The following DOCK2 variants were observed in gnomAD, a reference collection of about 807,000 sequenced individuals.
DOCK2 encodes dedicator of cytokinesis 2.
Under a neutral mutation model 248.9 loss-of-function variants are expected in DOCK2, and 87 were observed. The ratio of observed to expected loss-of-function variants is 0.35; its 90% CI spans 0.29 to 0.42. The LOEUF is 0.42. DOCK2 is among the 10% of genes least tolerant of loss of function. DOCK2 has a pLI of 1.00. For missense variants in DOCK2, 1,747 were observed against 2,300.2 expected (o/e 0.76, Z 4.92); for synonymous variants, 805 against 821.6 (o/e 0.98, Z 0.35).
chr5:169,881,138 G>A (rs993186824), intron 27 of DOCK2, among the ~76,000 whole-genome samples: 8 of 152,182 alleles, frequency 5.3e-5, no homozygotes, highest in African/African-American at 1.9e-4. Flanking sequence ...CATGATGCCT[G>A]CACTTAGTGT....
Position 170,043,379 on chromosome 5 carries a change from A to G in DOCK2, c.3876+1247A>G, listed in dbSNP as rs544390517. ...GCATAGTAATAGCTGGTGAAATGTC[A>G]GTAACCGTCATCATTATCCTACTCC... On this transcript the variant is annotated intron_variant, in intron 38 of 51. Transcript: ENST00000520908. Among the ~76,000 whole-genome samples, 13 of 152,352 alleles carry G rather than the reference A, an allele frequency of 8.5e-5. 2 individuals are homozygous for G. The South Asian group carries it at 2.7e-3, about 32-fold the overall frequency.
intron 46 of DOCK2, among the ~76,000 whole-genome samples, chr5:170,073,948 C>T (rs948740439): frequency 2.0e-5 from 3 of 152,074 alleles, no homozygotes; most frequent in African/African-American, 4.8e-5. Context: ...CGTGTCCACT[C>T]TCACCTTTAT....
At chr5:169,889,824 A>T (rs1002274981) in intron 27 of DOCK2, among the ~76,000 whole-genome samples, 1 of 152,218 alleles carries the variant, frequency 6.6e-6, no homozygotes. Flanking sequence ...TGGGAGCCAT[A>T]GTTTGACAAC....
At chr5:169,761,731 T>A in intron 25 of DOCK2, 106 bp downstream of exon 25, 1 of 797,280 alleles carries the variant, frequency 1.3e-6, no homozygotes, top group East Asian at 2.6e-5. Context: ...GACTATAACA[T>A]CTCTTTTCTC....
rs557338641 is a variant in DOCK2 at position 169,715,018 on chromosome 5, C to T, written c.1941+561C>T. Among the ~76,000 whole-genome samples, 51 of 152,182 alleles carry T rather than the reference C, an allele frequency of 3.4e-4. 1 individual carries two copies. The South Asian group carries it at 7.3e-3, about 22-fold the overall frequency. ...TAGTATGATCTGTTAGTACTACCCA[C>T]AGATCATTGTTAGAAATAAAAAGTA... On this transcript the variant is annotated intron_variant, in intron 19 of 51. Coordinates refer to ENST00000520908, the MANE Select transcript of DOCK2 (RefSeq NM_004946.3).
intron 27 of DOCK2, among the ~76,000 whole-genome samples, chr5:169,978,818 C>A (rs375161184): frequency 3.9e-5 from 6 of 152,160 alleles, no homozygotes; most frequent in Admixed American, 6.5e-5. Flanking sequence ...CAAGTGCCTG[C>A]GATGATTGCA....
chr5:169,691,821 A>G (rs992304080), intron 9 of DOCK2, among the ~76,000 whole-genome samples: 6 of 150,418 alleles, frequency 4.0e-5, no homozygotes, highest in African/African-American at 9.8e-5. Flanking sequence ...GACTTTCCCT[A>G]TGTTTTGTTT....
intron 11 of DOCK2, 42 bp downstream of exon 11, chr5:169,698,491 C>G (rs746374880): frequency 6.2e-7 from 1 of 1,604,282 alleles, no homozygotes; most frequent in African/African-American, 1.3e-5. Context: ...TCAACCACAC[C>G]CTTTGTCATC....
chr5:170,061,209 C>T (rs888634740), intron 44 of DOCK2, among the ~76,000 whole-genome samples: 30 of 152,018 alleles, frequency 2.0e-4, no homozygotes, highest in African/African-American at 6.3e-4. Flanking sequence ...GTTACTATGT[C>T]GATAAAGAAA....
chr5:169,758,315 A>G (rs1361486042), intron 23 of DOCK2, among the ~76,000 whole-genome samples: 1 of 152,206 alleles, frequency 6.6e-6, no homozygotes, highest in Admixed American at 6.5e-5. Context: ...GTCTGGAAGG[A>G]AATTCATCAC....
chr5:170,082,680 TGGGCTTTGGGC>T, intron 51 of DOCK2, 105 bp from the exon 52 acceptor site: 1 of 1,315,200 alleles, frequency 7.6e-7, no homozygotes, highest in Non-Finnish European at 1.1e-6. Context: ...TCACATTCAC[TGGGCTTTGGGC>T]AGGGGTCAGT....
At chr5:169,873,204 A>G (rs1772096846) in intron 27 of DOCK2, among the ~76,000 whole-genome samples, 1 of 152,108 alleles carries the variant, frequency 6.6e-6, no homozygotes, top group Non-Finnish European at 1.5e-5. Context: ...TTTCCTTTAC[A>G]CTCTAGGGAG....
intron 27 of DOCK2, among the ~76,000 whole-genome samples, chr5:169,982,250 A>G (rs908696002): frequency 3.3e-5 from 5 of 152,134 alleles, no homozygotes; most frequent in African/African-American, 7.2e-5. Flanking sequence ...TGCTTTGTTT[A>G]CCAGGTTCCA....
At chr5:169,696,204 A>G (rs1760616233) in intron 10 of DOCK2, among the ~76,000 whole-genome samples, 1 of 152,188 alleles carries the variant, frequency 6.6e-6, no homozygotes, top group Admixed American at 6.5e-5. Context: ...AGCAGTTGAC[A>G]CCTTTGCTCC....
intron 26 of DOCK2, among the ~76,000 whole-genome samples, chr5:169,805,233 A>AT (rs200543762): frequency 6.7e-6 from 1 of 150,106 alleles, no homozygotes; most frequent in Non-Finnish European, 1.5e-5. Context: ...AAAAAAAAAA[A>AT]GGAAAGAAAA....
chr5:169,923,848 T>G (rs901977870), intron 27 of DOCK2, among the ~76,000 whole-genome samples: 1 of 152,226 alleles, frequency 6.6e-6, no homozygotes, highest in Non-Finnish European at 1.5e-5. Context: ...CAAGGAGAAT[T>G]TTATCCTGCA....
chr5:169,642,422 A>T (rs1291422976), intron 1 of DOCK2, among the ~76,000 whole-genome samples: 1 of 152,234 alleles, frequency 6.6e-6, no homozygotes, highest in Non-Finnish European at 1.5e-5. Flanking sequence ...TGCTGTTTTA[A>T]TATGAGTGAG....
At chr5:169,984,577 T>G (rs1414579298) in intron 28 of DOCK2, among the ~76,000 whole-genome samples, 2 of 152,198 alleles carry the variant, frequency 1.3e-5, no homozygotes, top group Non-Finnish European at 2.9e-5. Context: ...TTCCAGAATT[T>G]TGCAACTTAG....
At chr5:169,896,459 A>G (rs748990903) in intron 27 of DOCK2, among the ~76,000 whole-genome samples, 1 of 152,180 alleles carries the variant, frequency 6.6e-6, no homozygotes, top group Admixed American at 6.5e-5. Context: ...TCTCTGGGCT[A>G]TGATTTTCTC....
Sources: allele counts gnomAD v4.1 joint callset (sites outside exome capture counted in the v4.1 genomes callset), GRCh38; gene constraint gnomAD v4.1.1; transcripts MANE v1.5; gene names NCBI Gene and HGNC (gene_info 2026-07-23, HGNC 2026-07-21).